Variants in TBRG4 observed in about 807,000 individuals in gnomAD.
TBRG4 encodes the protein FAST kinase domain-containing protein 4.
TBRG4 carries 43 observed loss-of-function variants against 65.6 expected under a neutral mutation model. That is an observed-to-expected ratio of 0.66 (90% CI 0.51 to 0.85). TBRG4 has a LOEUF of 0.85. Ranked by LOEUF, TBRG4 falls within the 40% of genes least tolerant of loss-of-function variation. The pLI is 0.00. For missense variants in TBRG4, 709 were observed against 787.9 expected (o/e 0.90, Z 1.20); for synonymous variants, 366 against 341.4 (o/e 1.07, Z -0.79).
In TBRG4 at chr7:45,100,384, T is replaced by C. The variant is rs1784729581; in HGVS notation, c.1837A>G (p.Lys613Glu). 1.5e-5 allele frequency: 24 copies of C among 1,614,206 alleles called. No individual in the cohort carries two copies. The highest frequency in any genetic ancestry group is 2.0e-5 in the Non-Finnish European group (24 of 1,180,032). ...ATCTTGTCCTTGAGGTAGGCGCCTT[T>C]CTGCCATTCAGACTTGAGTTCCAGC... The part of the protein sequence containing the change: ...EWLELKSEWQ[K>E]GAYLKDKMRK... The change falls in exon 11 of 11, where the codon AAA becomes GAA. Residue 613 changes from lysine to glutamate, a missense_variant. Transcript: ENST00000258770.
At position 45,104,665 on chromosome 7, in the gene TBRG4, C is replaced by T; in HGVS notation, c.780G>A (p.Lys260=). The change falls in exon 4 of 11, where the codon AAG becomes AAA. Residue 260 remains lysine (K), a synonymous_variant. Transcript: ENST00000258770. The part of the protein sequence containing the change: ...VEHFGPNELR[K]VLVMLAAQSR... ...TCTGAGCTGCCAGCATCACCAGCAC[C>T]TTCCGCAGCTCATTGGGGCCAAAGT... 1 of 1,613,990 alleles carries T rather than the reference C, an allele frequency of 6.2e-7. No individual in the cohort carries two copies. The highest frequency in any genetic ancestry group is 1.6e-4 in the Middle Eastern group (1 of 6,062).
intron 10 of TBRG4, 43 bp from the exon 11 acceptor site, chr7:45,100,469 C>T: frequency 6.6e-7 from 1 of 1,523,952 alleles, no homozygotes; most frequent in East Asian, 2.3e-5. Context: ...GCAAGGAGAT[C>T]CCTTCCAGCC....
chr7:45,105,600 G>A lies in TBRG4; in HGVS notation c.576C>T (p.Ala192=), dbSNP rs137899623. 1.8e-4 allele frequency: 286 copies of A among 1,614,166 alleles called. No homozygotes were observed. The highest frequency in any genetic ancestry group is 2.3e-4 in the Non-Finnish European group (277 of 1,180,038). ...KHLAFLAESC[A]TLSQEQHSQE... is the part of the protein sequence containing the mutation. ...GCGAGTGCTGCTCCTGTGAGAGGGT[G>A]GCACAGGACTCTGCCAGGAAGGCCA... is the stretch of plus-strand genomic sequence containing the variant. The change falls in exon 3 of 11, where the codon GCC becomes GCT. Residue 192 remains alanine, a synonymous_variant. Coordinates refer to ENST00000258770, the MANE Select transcript of TBRG4 (RefSeq NM_004749.4).
In TBRG4 at chr7:45,100,437, G is replaced by A; in HGVS notation, c.1795-11C>T. On this transcript the variant is annotated splice_polypyrimidine_tract_variant and intron_variant, in intron 10 of 10. Transcript: ENST00000258770. ...CTCATAGAATGGGACCTAGAAGGAG[G>A]CAGGGGAGACAGGTCACATGGGCAA... is the stretch of plus-strand genomic sequence containing the variant. 1 of 1,609,798 alleles carries A rather than the reference G, an allele frequency of 6.2e-7. No homozygotes were observed. Among genetic ancestry groups the A allele is most frequent in the Non-Finnish European group, 8.5e-7 (1 of 1,176,178 alleles).
chr7:45,109,205 G>C lies in TBRG4; in HGVS notation c.33C>G (p.Cys11Trp), dbSNP rs376332130. ...CCTGACGAGCAGCTTCTCTCAGGAG[G>C]CACGTGCATCGCTTTACCAGGTGAG... MAAHLVKRCT[C>W]LLREAARQAP... Residue 11 changes from cysteine to tryptophan, a missense_variant, in exon 2 of 11, where the codon TGC becomes TGG. Coordinates refer to ENST00000258770, the MANE Select transcript of TBRG4 (RefSeq NM_004749.4). The C allele has an allele frequency of 2.5e-6, 4 of 1,609,886 alleles. No individual in the cohort carries two copies. In the African/African-American group the frequency reaches 4.0e-5, roughly 16 times the overall value.
Position 45,102,147 on chromosome 7 carries a change from C to G in TBRG4, c.1322-77G>C, listed in dbSNP as rs1045614202. ...GAGACCCTGATGAGAGGGCAGTGCA[C>G]CCCTACACCCAGTCCCAGCCCAGTT... On this transcript the variant is annotated intron_variant, in intron 7 of 10. Coordinates refer to ENST00000258770, the MANE Select transcript of TBRG4 (RefSeq NM_004749.4). The G allele has an allele frequency of 9.1e-6, 14 of 1,533,572 alleles. 1 individual carries two copies. The South Asian group carries it at 1.2e-4, about 13-fold the overall frequency. 95.0% of individuals were successfully genotyped at this position (1,533,572 alleles called of 1,614,324 possible).
Position 45,101,845 on chromosome 7 carries a change from G to T in TBRG4, c.1547C>A (p.Thr516Lys). ...SADKGSLEVA[T>K]QYGWVLDAEV... ...CTCACCCAGCACCCAGCCATACTGC[G>T]TGGCCACCTCGAGGCTGCCCTTGTC... The change falls in exon 8 of 11, where the codon ACG becomes AAG. Residue 516 changes from threonine (T) to lysine (K), a missense_variant. Transcript: ENST00000258770. 6.2e-7 allele frequency: 1 copy of T among 1,607,182 alleles called. No individual in the cohort carries two copies. The highest frequency in any genetic ancestry group is 8.5e-7 in the Non-Finnish European group (1 of 1,179,574).
At position 45,111,688 on chromosome 7, in the gene TBRG4, C is replaced by T; in HGVS notation, c.-96G>A. On this transcript the variant is annotated 5_prime_UTR_variant, in exon 1 of 11. Coordinates refer to ENST00000258770, the MANE Select transcript of TBRG4 (RefSeq NM_004749.4). ...CCTCCATCCGCCGCCCTAACTGTCC[C>T]CGGAACCATGAGGTGCGCGGCGCGC... is the stretch of plus-strand genomic sequence containing the variant. 2 of 1,289,396 alleles carry T rather than the reference C, an allele frequency of 1.6e-6. No homozygotes were observed. The highest frequency in any genetic ancestry group is 2.0e-6 in the Non-Finnish European group (2 of 988,848). The allele number at this position is 1,289,396 out of a possible 1,614,324, so 79.9% of individuals were successfully genotyped here.
intron 3 of TBRG4, 166 bp downstream of exon 3, chr7:45,105,275 G>A: frequency 1.3e-6 from 1 of 748,026 alleles, no homozygotes; most frequent in East Asian, 2.7e-5. Flanking sequence ...GCAGCTCCGA[G>A]CCCTCTGGTC....
intron 10 of TBRG4, among the ~76,000 whole-genome samples, chr7:45,100,659 C>G (rs754690382): frequency 1.3e-5 from 2 of 152,226 alleles, no homozygotes; most frequent in African/African-American, 2.4e-5. Context: ...GGTCTGCAAA[C>G]TACTCGGAGG....
chr7:45,100,544 A>G (rs1332726693), intron 10 of TBRG4, 118 bp from the exon 11 acceptor site: 1 of 733,418 alleles, frequency 1.4e-6, no homozygotes, highest in Non-Finnish European at 2.3e-6. Context: ...CTGCTGACCA[A>G]CAGCTCTGCA....
At position 45,102,143 on chromosome 7, in the gene TBRG4, T is replaced by C. The variant is rs949839851; in HGVS notation, c.1322-73A>G. 12 of 1,534,242 alleles carry C rather than the reference T, an allele frequency of 7.8e-6. No individual in the cohort carries two copies. The African/African-American group carries it at 1.5e-4, about 20-fold the overall frequency. On this transcript the variant is annotated intron_variant, in intron 7 of 10. Coordinates refer to ENST00000258770, the MANE Select transcript of TBRG4 (RefSeq NM_004749.4). The stretch of plus-strand genomic sequence containing the variant: ...TGGGGAGACCCTGATGAGAGGGCAG[T>C]GCACCCCTACACCCAGTCCCAGCCC...
At position 45,109,178 on chromosome 7, in the gene TBRG4, G is replaced by C; in HGVS notation, c.60C>G (p.Ala20=). 1 of 1,613,582 alleles carries C rather than the reference G, an allele frequency of 6.2e-7. No homozygotes were observed. The highest frequency in any genetic ancestry group is 2.2e-5 in the East Asian group (1 of 44,886). Residue 20 remains alanine, a synonymous_variant, in exon 2 of 11, where the codon GCC becomes GCG. Transcript: ENST00000258770. ...TCLLREAARQ[A]PAMAPVGRLR... Reference sequence around the variant, plus strand: ...GTCGGCCAACTGGAGCCATGGCAGGGGCCTGACGAGCAGCTTCTCTCAGGA... The same window carrying C: ...GTCGGCCAACTGGAGCCATGGCAGGCGCCTGACGAGCAGCTTCTCTCAGGA...
intron 6 of TBRG4, 115 bp from the exon 7 acceptor site, chr7:45,102,606 GAGGCTACT>G (rs1206421856): frequency 6.4e-6 from 9 of 1,412,440 alleles, no homozygotes; most frequent in Non-Finnish European, 8.6e-6. Context: ...GAGGCCAGAG[GAGGCTACT>G]AGGTAACAAG....
At position 45,111,678 on chromosome 7, in the gene TBRG4, C is replaced by A. The variant is rs763913155; in HGVS notation, c.-86G>T. ...CCACCGCTGACCTCCATCCGCCGCC[C>A]TAACTGTCCCCGGAACCATGAGGTG... On this transcript the variant is annotated 5_prime_UTR_variant, in exon 1 of 11. It adds an upstream start codon to the 5' untranslated region. Transcript: ENST00000258770. 7.8e-7 allele frequency: 1 copy of A among 1,288,764 alleles called. No homozygotes were observed. The highest frequency in any genetic ancestry group is 1.0e-6 in the Non-Finnish European group (1 of 988,864). The allele number at this position is 1,288,764 out of a possible 1,614,324, so 79.8% of individuals were successfully genotyped here.
In TBRG4 at chr7:45,105,156, C is replaced by T. The variant is rs369166319; in HGVS notation, c.735+285G>A. ...GCCTGCCATGCCCCCCTCTCAAGAT[C>T]GTGCTGTGATGGGGTTTGGGGGAAA... On this transcript the variant is annotated intron_variant, in intron 3 of 10. Transcript: ENST00000258770. 16 of 641,508 alleles carry T rather than the reference C, an allele frequency of 2.5e-5. No homozygotes were observed. In the East Asian group the frequency reaches 3.1e-4, roughly 12 times the overall value. 39.7% of individuals were successfully genotyped at this position (641,508 alleles called of 1,614,324 possible). A position where few individuals can be genotyped will look rare whatever the true frequency, so the allele number is the denominator to read the frequency against.
intron 5 of TBRG4, chr7:45,103,709 A>G (rs1279692234): frequency 1.9e-6 from 1 of 539,500 alleles, no homozygotes; most frequent in African/African-American, 1.9e-5. Flanking sequence ...TTCTCCAACC[A>G]GTAAACTTAG....
At chr7:45,111,478 TG>T in intron 1 of TBRG4, 164 bp downstream of exon 1, 1 of 841,132 alleles carries the variant, frequency 1.2e-6, no homozygotes, top group Non-Finnish European at 1.6e-6. Context: ...GCGTGCGCAC[TG>T]GCAAGCCAGC....
intron 1 of TBRG4, 171 bp downstream of exon 1, chr7:45,111,472 G>A: frequency 2.7e-6 from 2 of 749,634 alleles, no homozygotes; most frequent in Non-Finnish European, 3.8e-6. Context: ...GAGGAAGCGT[G>A]CGCACTGGCA....
Sources: allele counts gnomAD v4.1 joint callset (sites outside exome capture counted in the v4.1 genomes callset), GRCh38; gene constraint gnomAD v4.1.1; transcripts MANE v1.5; gene names NCBI Gene and HGNC (gene_info 2026-07-23, HGNC 2026-07-21).